The following ELMO1 variants were observed in gnomAD, a reference collection of about 807,000 sequenced individuals.
ELMO1 encodes engulfment and cell motility 1, also known as engulfment and cell motility protein 1.
Under a neutral mutation model 98.9 loss-of-function variants are expected in ELMO1, and 26 were observed. The ratio of observed to expected loss-of-function variants is 0.26; its 90% CI spans 0.19 to 0.36. ELMO1 has a LOEUF of 0.36. Ranked by LOEUF, ELMO1 falls within the 10% of genes least tolerant of loss-of-function variation. ELMO1 has a pLI of 1.00. For synonymous variants in ELMO1, 346 were observed against 346.0 expected (o/e 1.00, Z 0.00); for missense variants, 627 against 935.2 (o/e 0.67, Z 4.30).
intron 1 of ELMO1, among the ~76,000 whole-genome samples, chr7:37,422,056 A>G (rs893125050): frequency 3.9e-5 from 6 of 152,226 alleles, no homozygotes. Flanking sequence ...TGCAACTCAG[A>G]TATTTGTGGT....
At chr7:36,981,391 A>G (rs1050515376) in intron 16 of ELMO1, among the ~76,000 whole-genome samples, 4 of 152,022 alleles carry the variant, frequency 2.6e-5, no homozygotes, top group African/African-American at 9.7e-5. Flanking sequence ...GAGTGAAGAT[A>G]TAGGATAATA....
Position 37,154,943 on chromosome 7 carries a change from C to A in ELMO1, c.1087-21709G>T, listed in dbSNP as rs186079688. 2.0e-3 allele frequency among the ~76,000 whole-genome samples: 302 copies of A among 152,300 alleles called. 1 individual carries two copies. The highest frequency in any genetic ancestry group is 7.1e-3 in the African/African-American group (294 of 41,556). On this transcript the variant is annotated intron_variant, in intron 13 of 21. Coordinates refer to ENST00000310758, the MANE Select transcript of ELMO1 (RefSeq NM_014800.11). ...GTCAAGTTACCCACAAAGGGAAGCC[C>A]ATCAGACTAACAGCGGATCTTTCTG...
At chr7:36,900,120 C>T (rs79657551) in intron 16 of ELMO1, among the ~76,000 whole-genome samples, 3,358 of 152,254 alleles carry the variant, frequency 0.022, 56 homozygotes, top group Non-Finnish European at 0.029. Context: ...GAGTGGCACC[C>T]AGCAATCTGT....
chr7:36,883,279 G>A (rs1342817409), intron 18 of ELMO1, among the ~76,000 whole-genome samples: 1 of 152,212 alleles, frequency 6.6e-6, no homozygotes, highest in Non-Finnish European at 1.5e-5. Context: ...TCCAATGTTA[G>A]CCCTGGACTC....
chr7:37,427,464 T>C (rs1049830779), intron 1 of ELMO1, among the ~76,000 whole-genome samples: 2 of 152,224 alleles, frequency 1.3e-5, no homozygotes, highest in Admixed American at 6.5e-5. Context: ...ATCACTCTGA[T>C]AGGAATATCA....
intron 16 of ELMO1, among the ~76,000 whole-genome samples, chr7:37,011,200 TAA>T (rs201434469): frequency 7.2e-5 from 11 of 152,292 alleles, no homozygotes; most frequent in African/African-American, 2.4e-4. Flanking sequence ...CTAATTATGA[TAA>T]AAGTTTCACA....
Position 37,151,346 on chromosome 7 carries a change from G to C in ELMO1, c.1087-18112C>G, listed in dbSNP as rs139249630. 2.9e-4 allele frequency among the ~76,000 whole-genome samples: 44 copies of C among 152,166 alleles called. No individual in the cohort carries two copies. The South Asian group carries it at 5.2e-3, about 18-fold the overall frequency. ...CCGTTCACACTACACTTCACAGTTC[G>C]TCAGGGGGACTGTATGAGGACGGCT... On this transcript the variant is annotated intron_variant, in intron 13 of 21. Coordinates refer to ENST00000310758, the MANE Select transcript of ELMO1 (RefSeq NM_014800.11).
chr7:36,897,349 T>TGTGTGTGTGTGTGTGTGTGTGTGTGA (rs1370708472), intron 16 of ELMO1, among the ~76,000 whole-genome samples: 107 of 151,732 alleles, frequency 7.1e-4, no homozygotes, highest in Admixed American at 1.5e-3. Context: ...TGTGTGTGTG[T>TGTGTGTGTGTGTGTGTGTGTGTGTGA]GAAAGAGTGT....
chr7:37,115,777 A>G (rs1197675126), intron 14 of ELMO1, among the ~76,000 whole-genome samples: 1 of 151,876 alleles, frequency 6.6e-6, no homozygotes, highest in South Asian at 2.1e-4. Flanking sequence ...GGGTGTACAG[A>G]CTGGGAAGGA....
At chr7:37,048,212 C>T (rs924499167) in intron 15 of ELMO1, among the ~76,000 whole-genome samples, 8 of 152,164 alleles carry the variant, frequency 5.3e-5, no homozygotes, top group Non-Finnish European at 1.2e-4. Context: ...CAGTAGCACC[C>T]CCACAAGTTG....
chr7:36,969,645 G>A (rs924160655), intron 16 of ELMO1, among the ~76,000 whole-genome samples: 1 of 151,910 alleles, frequency 6.6e-6, no homozygotes, highest in African/African-American at 2.4e-5. Context: ...TGGGGTAGGA[G>A]GTGTGTGTGC....
intron 11 of ELMO1, among the ~76,000 whole-genome samples, chr7:37,215,460 T>C (rs896283934): frequency 3.3e-5 from 5 of 152,102 alleles, no homozygotes; most frequent in African/African-American, 9.7e-5. Flanking sequence ...CTAGAGATAA[T>C]AAATGACTCC....
chr7:37,232,971 A>C (rs1241234273), intron 8 of ELMO1, 124 bp downstream of exon 8: 2 of 848,010 alleles, frequency 2.4e-6, no homozygotes, highest in African/African-American at 3.5e-5. Context: ...ATTATAAAAA[A>C]TCATACCCAT....
At chr7:37,046,518 T>G (rs1387708975) in intron 15 of ELMO1, among the ~76,000 whole-genome samples, 1 of 152,262 alleles carries the variant, frequency 6.6e-6, no homozygotes, top group Non-Finnish European at 1.5e-5. Context: ...TATGCTTTCT[T>G]TCTTTAGACC....
intron 15 of ELMO1, among the ~76,000 whole-genome samples, chr7:37,092,915 C>CTTTTTTT (rs79327023): frequency 7.3e-6 from 1 of 137,054 alleles, no homozygotes; most frequent in African/African-American, 2.7e-5. Context: ...CTTTCTTTTT[C>CTTTTTTT]TTTTTTTTTT....
At chr7:37,084,539 C>T (rs1318508807) in intron 15 of ELMO1, among the ~76,000 whole-genome samples, 1 of 152,166 alleles carries the variant, frequency 6.6e-6, no homozygotes, top group Non-Finnish European at 1.5e-5. Context: ...TAAGGGCAAA[C>T]AGCACAGGAG....
At chr7:36,973,692 C>A (rs1395242809) in intron 16 of ELMO1, among the ~76,000 whole-genome samples, 2 of 152,238 alleles carry the variant, frequency 1.3e-5, no homozygotes, top group African/African-American at 4.8e-5. Flanking sequence ...GAGCCCGTTT[C>A]TGGGCTGGCC....
At position 37,432,753 on chromosome 7, in the gene ELMO1, A is replaced by AG. The variant is rs1804983900; in HGVS notation, c.-74+15921dup. On this transcript the variant is annotated intron_variant, in intron 1 of 21. Coordinates refer to ENST00000310758, the MANE Select transcript of ELMO1 (RefSeq NM_014800.11). ...ACCCACAGGCACTGGGGAGGGAGGG[A>AG]GGAAAAAACAGACGCTTCAAATTCA... Among the ~76,000 whole-genome samples the AG allele has an allele frequency of 2.6e-5, 4 of 152,208 alleles. No individual in the cohort carries two copies. In the South Asian group the frequency reaches 8.3e-4, roughly 31 times the overall value.
intron 13 of ELMO1, among the ~76,000 whole-genome samples, chr7:37,134,851 A>G (rs78175319): frequency 6.6e-6 from 1 of 152,214 alleles, no homozygotes; most frequent in Non-Finnish European, 1.5e-5. Context: ...TAGAAGTGGG[A>G]GCTAAATGAT....
Sources: gnomAD v4.1 joint callset for allele counts (sites outside exome capture counted in the v4.1 genomes callset) on GRCh38, gnomAD v4.1.1 for gene constraint, MANE v1.5 for transcripts, NCBI Gene and HGNC (gene_info 2026-07-23, HGNC 2026-07-21) for gene names.